Variants in TTC6 observed in about 807,000 individuals in gnomAD.
TTC6 encodes tetratricopeptide repeat protein 6.
A neutral mutation model predicts 210.4 loss-of-function variants in TTC6; 172 were observed. The observed-to-expected ratio is 0.82, with a 90% CI of 0.72 to 0.93. The LOEUF (loss-of-function observed/expected upper bound fraction) is 0.93. Ranked by LOEUF, TTC6 falls within the 40% of genes least tolerant of loss-of-function variation. The pLI is 0.00. For synonymous variants in TTC6, 804 were observed against 819.6 expected, an observed-to-expected ratio of 0.98 and a Z score of 0.32; for missense variants, 2,414 against 2,318.1, an observed-to-expected ratio of 1.04 and a Z score of -0.85.
chr14:37,749,182 C>T, exon 11 of TTC6: 2 of 1,534,424 alleles, frequency 1.3e-6, no homozygotes, highest in African/African-American at 2.7e-5. Context: ...TTCCTGAAGA[C>T]CCACCTGAAA....
chr14:37,626,661 G>T (rs2095660831), intron 1 of TTC6, among the ~76,000 whole-genome samples: 1 of 152,158 alleles, frequency 6.6e-6, no homozygotes. Context: ...TGAATTCTCT[G>T]ACTTTTCTTT....
At position 37,682,373 on chromosome 14, in the gene TTC6, A is replaced by G. The variant is rs1303865168; in HGVS notation, c.1051-385A>G. Among the ~76,000 whole-genome samples, 3 of 151,968 alleles carry G rather than the reference A, an allele frequency of 2.0e-5. No homozygotes were observed. In the East Asian group the frequency reaches 5.8e-4, roughly 29 times the overall value. ...GAGCTCCTGCTTGATGACTTGTGAT[A>G]TGGAAAAAAAAAAGAACCAACATGA... On this transcript the variant is annotated intron_variant, in intron 2 of 30. Coordinates refer to ENST00000553443, the Ensembl canonical transcript of TTC6.
At chr14:37,628,051 A>G (rs2139325891) in intron 1 of TTC6, among the ~76,000 whole-genome samples, 1 of 151,830 alleles carries the variant, frequency 6.6e-6, no homozygotes, top group South Asian at 2.1e-4. Context: ...GCTCACTGCA[A>G]CCTCCACCTC....
chr14:37,781,979 G>T (rs1481734545), intron 14 of TTC6, among the ~76,000 whole-genome samples: 1 of 152,056 alleles, frequency 6.6e-6, no homozygotes, highest in African/African-American at 2.4e-5. Flanking sequence ...CTGTTTCATT[G>T]GTCTATATCT....
At chr14:37,822,146 A>C (rs2096159394) in intron 26 of TTC6, among the ~76,000 whole-genome samples, 1 of 152,192 alleles carries the variant, frequency 6.6e-6, no homozygotes, top group Admixed American at 6.5e-5. Flanking sequence ...CTGCAGAATA[A>C]AGTATCCAGC....
rs148741146 is a variant in TTC6, at chr14:37,796,878, C to A, written c.3960C>A (p.Ser1320Arg). 24 of 1,610,798 alleles carry A rather than the reference C, an allele frequency of 1.5e-5. No individual in the cohort carries two copies. The Middle Eastern group carries it at 4.9e-4, about 33-fold the overall frequency. ...CCATTGAGGTCTTGGACGGAATCAGCTGGAATAGAGCTGAGATGACCATGT... is the reference window on the plus strand; with the variant it reads ...CCATTGAGGTCTTGGACGGAATCAGATGGAATAGAGCTGAGATGACCATGT... Residue 1320 changes from serine (S) to arginine (R), a missense_variant, in exon 20 of 31, where the codon AGC becomes AGA. Physicochemically the swap from Ser to Arg is moderately radical, Grantham distance 110. Transcript: ENST00000553443.
At chr14:37,777,354 G>A (rs2096040839) in intron 14 of TTC6, among the ~76,000 whole-genome samples, 1 of 90,056 alleles carries the variant, frequency 1.1e-5, no homozygotes, top group Non-Finnish European at 2.6e-5. Flanking sequence ...ACTGGTCTTT[G>A]AACTCTAGAT....
chr14:37,689,494 C>T (rs368742562), intron 3 of TTC6, among the ~76,000 whole-genome samples: 4 of 152,092 alleles, frequency 2.6e-5, no homozygotes, highest in African/African-American at 9.6e-5. Context: ...GAAAATTTAA[C>T]CCAAAGACGG....
intron 5 of TTC6, among the ~76,000 whole-genome samples, chr14:37,713,433 T>C (rs2095847718): frequency 6.6e-6 from 1 of 152,172 alleles, no homozygotes; most frequent in South Asian, 2.1e-4. Flanking sequence ...AGACGAGGTT[T>C]TGCTATGTTG....
At chr14:37,686,092 G>A (rs183343471) in intron 3 of TTC6, among the ~76,000 whole-genome samples, 1 of 152,126 alleles carries the variant, frequency 6.6e-6, no homozygotes, top group East Asian at 1.9e-4. Flanking sequence ...CATGAGTCTC[G>A]TGGGAAGAGC....
At chr14:37,781,590 G>A (rs968327029) in intron 14 of TTC6, among the ~76,000 whole-genome samples, 1 of 152,144 alleles carries the variant, frequency 6.6e-6, no homozygotes, top group Non-Finnish European at 1.5e-5. Context: ...TGTTCACTCT[G>A]ATGGTAGTTT....
chr14:37,726,797 G>A (rs2138848681), intron 7 of TTC6, among the ~76,000 whole-genome samples: 1 of 151,840 alleles, frequency 6.6e-6, no homozygotes, highest in African/African-American at 2.4e-5. Context: ...TATTTTTCTT[G>A]TCAATTGGCA....
At chr14:37,635,088 T>C (rs570413197) in intron 1 of TTC6, among the ~76,000 whole-genome samples, 4 of 152,336 alleles carry the variant, frequency 2.6e-5, no homozygotes, top group African/African-American at 9.6e-5. Flanking sequence ...TCTTGCGTTT[T>C]CTAGATTGTG....
exon 28 of TTC6, chr14:37,826,264 C>A: frequency 1.2e-6 from 2 of 1,612,682 alleles, no homozygotes; most frequent in Non-Finnish European, 1.7e-6. Context: ...AAAGAACTAC[C>A]TAGCCTATGA....
At chr14:37,787,403 A>G (rs917851542) in intron 14 of TTC6, 65 bp from the exon 17 acceptor site, 2 of 1,106,724 alleles carry the variant, frequency 1.8e-6, no homozygotes, top group Admixed American at 2.9e-5. Context: ...TTAGTTGTAC[A>G]GGTTTACCAA....
chr14:37,642,614 A>G (rs1465064919), intron 1 of TTC6, among the ~76,000 whole-genome samples: 1 of 152,210 alleles, frequency 6.6e-6, no homozygotes, highest in African/African-American at 2.4e-5. Context: ...CATGGGTTAT[A>G]TGAGTCCCTA....
chr14:37,825,100 C>T (rs2139503442), intron 27 of TTC6, among the ~76,000 whole-genome samples: 1 of 152,216 alleles, frequency 6.6e-6, no homozygotes, highest in African/African-American at 2.4e-5. Context: ...GAGTTCTGTC[C>T]AGGGAAAGAG....
At chr14:37,745,310 T>C (rs12431986) in intron 10 of TTC6, among the ~76,000 whole-genome samples, 3 of 151,946 alleles carry the variant, frequency 2.0e-5, no homozygotes, top group Non-Finnish European at 4.4e-5. Context: ...AAGCTATCTT[T>C]GTTTTACACT....
chr14:37,825,907 C>T lies in TTC6; in HGVS notation c.4975-288C>T, dbSNP rs576384664. On this transcript the variant is annotated intron_variant, in intron 27 of 30. Coordinates refer to ENST00000553443, the Ensembl canonical transcript of TTC6. ...GTTGGTAAAAACCACTGGCGTTTCA[C>T]ATGGTGGCTATGATTTTATGTTGTC... 3.3e-5 allele frequency among the ~76,000 whole-genome samples: 5 copies of T among 152,130 alleles called. No individual in the cohort carries two copies. In the South Asian group the frequency reaches 8.3e-4, roughly 25 times the overall value.
Sources: allele counts gnomAD v4.1 joint callset (sites outside exome capture counted in the v4.1 genomes callset), GRCh38; gene constraint gnomAD v4.1.1; transcripts MANE v1.5; gene names NCBI Gene and HGNC (gene_info 2026-07-23, HGNC 2026-07-21).